TANK: variants seen among roughly 807,000 people sequenced by gnomAD.
TANK encodes the protein TRAF family member-associated NF-kappa-B activator.
A neutral mutation model predicts 43.6 loss-of-function variants in TANK; 15 were observed. That is an observed-to-expected ratio of 0.34 (90% confidence interval 0.23 to 0.53). The LOEUF is 0.53. Among genes scored for constraint, TANK ranks in the 20% least tolerant of loss-of-function variants. TANK has a pLI of 0.94. For missense variants in TANK, 417 were observed against 498.6 expected (o/e 0.84, Z 1.56); for synonymous variants, 162 against 178.2 (o/e 0.91, Z 0.73).
At chr2:161,180,451 AAAAT>A (rs1286263730) in intron 2 of TANK, among the ~76,000 whole-genome samples, 6 of 152,194 alleles carry the variant, frequency 3.9e-5, no homozygotes, top group Admixed American at 2.6e-4. Flanking sequence ...CAAAATGAGA[AAAAT>A]AAGGCTAATT....
intron 1 of TANK, 105 bp downstream of exon 1, chr2:161,160,591 C>T (rs1684372171): frequency 1.0e-6 from 1 of 967,616 alleles, no homozygotes. Context: ...AGGGGCGCCG[C>T]AGGGAGAGAA....
intron 7 of TANK, among the ~76,000 whole-genome samples, chr2:161,232,446 A>G (rs184058791): frequency 1.8e-3 from 280 of 152,322 alleles, no homozygotes; most frequent in African/African-American, 6.4e-3. Context: ...CATATAGGTT[A>G]TAGACTTAAA....
chr2:161,137,105 A>T (rs1188991900), intron 1 of TANK: 1 of 985,370 alleles, frequency 1.0e-6, no homozygotes, highest in Non-Finnish European at 1.2e-6. Context: ...TTAACCTAGG[A>T]AAGGGGCCTG....
At chr2:161,146,786 G>A (rs531584327) in intron 1 of TANK, among the ~76,000 whole-genome samples, 20 of 152,228 alleles carry the variant, frequency 1.3e-4, no homozygotes, top group African/African-American at 4.3e-4. Flanking sequence ...CCTGTTGGAG[G>A]GTCTCACCCA....
rs968894299 is a variant in TANK, at chr2:161,203,561, A to G, written c.174A>G (p.Leu58=). 3.1e-6 allele frequency: 5 copies of G among 1,611,624 alleles called. No individual in the cohort carries two copies. The highest frequency in any genetic ancestry group is 1.1e-5 in the South Asian group (1 of 90,742). Residue 58 remains leucine, a synonymous_variant, in exon 3 of 8, where the codon CTA becomes CTG. Transcript: ENST00000392749. ...LSLQQTIIDK[L]KSQLLLVNST... ...TTCAACAGACTATTATTGACAAGCTAAAATCTCAGTTACTTCTTGTGAATT... is the reference window on the plus strand; with the variant it reads ...TTCAACAGACTATTATTGACAAGCTGAAATCTCAGTTACTTCTTGTGAATT...
chr2:161,204,241 C>A (rs1686548456), intron 3 of TANK, among the ~76,000 whole-genome samples: 3 of 152,030 alleles, frequency 2.0e-5, no homozygotes, highest in Admixed American at 2.0e-4. Context: ...GAATAATTCA[C>A]AGGTGATAAA....
intron 6 of TANK, among the ~76,000 whole-genome samples, chr2:161,227,673 T>A (rs1182978687): frequency 6.6e-6 from 1 of 152,250 alleles, no homozygotes; most frequent in Non-Finnish European, 1.5e-5. Context: ...CAGCAGATTC[T>A]CCAGCATTCA....
intron 2 of TANK, among the ~76,000 whole-genome samples, chr2:161,187,205 C>T (rs1207761315): frequency 6.6e-6 from 1 of 152,020 alleles, no homozygotes; most frequent in Non-Finnish European, 1.5e-5. Context: ...GCAGGTGGGT[C>T]GTTTGAGCAC....
intron 4 of TANK, among the ~76,000 whole-genome samples, chr2:161,208,766 AC>A (rs1686756378): frequency 6.6e-6 from 1 of 152,148 alleles, no homozygotes; most frequent in South Asian, 2.1e-4. Context: ...CTGATAGCTA[AC>A]TTCACTCAAA....
At chr2:161,216,280 C>T (rs1046391368) in intron 4 of TANK, 6 of 388,182 alleles carry the variant, frequency 1.5e-5, no homozygotes, top group Middle Eastern at 3.6e-4. Context: ...ACATCTGGAC[C>T]GTATGTCTGC....
At chr2:161,194,607 T>G (rs571397385) in intron 2 of TANK, among the ~76,000 whole-genome samples, 1 of 152,298 alleles carries the variant, frequency 6.6e-6, no homozygotes, top group African/African-American at 2.4e-5. Context: ...TTTCTGACAA[T>G]AAATGTTAAG....
At chr2:161,171,930 A>G (rs1472243182) in intron 1 of TANK, among the ~76,000 whole-genome samples, 2 of 152,206 alleles carry the variant, frequency 1.3e-5, no homozygotes, top group Non-Finnish European at 2.9e-5. Flanking sequence ...GGTTAAGACC[A>G]GAGGATAGAT....
intron 4 of TANK, 194 bp downstream of exon 4, chr2:161,204,987 A>AC: frequency 7.4e-7 from 1 of 1,349,442 alleles, no homozygotes; most frequent in Non-Finnish European, 9.5e-7. Flanking sequence ...TTTCCTACTG[A>AC]CCGTTTTTCT....
chr2:161,179,682 A>G lies in TANK; in HGVS notation c.20A>G (p.Glu7Gly). MDKNIG[E>G]QLNKAYEAFR... ...AGAGGAATGGATAAAAACATTGGCG[A>G]GCAACTCAATAAAGCGTATGAAGCC... The change falls in exon 2 of 8, where the codon GAG (glutamate) becomes GGG (glycine). Residue 7 changes from glutamate (E) to glycine (G), a missense_variant. Coordinates refer to ENST00000392749, the MANE Select transcript of TANK (RefSeq NM_001199135.3). 6.2e-7 allele frequency: 1 copy of G among 1,613,350 alleles called. No homozygotes were observed. The highest frequency in any genetic ancestry group is 8.5e-7 in the Non-Finnish European group (1 of 1,179,578).
chr2:161,147,039 G>A (rs1366309737), intron 1 of TANK, among the ~76,000 whole-genome samples: 1 of 152,118 alleles, frequency 6.6e-6, no homozygotes, highest in Non-Finnish European at 1.5e-5. Context: ...TGGAGTTCCT[G>A]CAGGGAGGCC....
intron 1 of TANK, among the ~76,000 whole-genome samples, chr2:161,143,464 C>T (rs1371076782): frequency 2.0e-5 from 3 of 151,878 alleles, no homozygotes; most frequent in Non-Finnish European, 4.4e-5. Flanking sequence ...TCATAAATAG[C>T]TCTTTTTATT....
chr2:161,141,031 GTTTTC>G (rs985923645), intron 1 of TANK, among the ~76,000 whole-genome samples: 8 of 151,828 alleles, frequency 5.3e-5, no homozygotes, highest in African/African-American at 1.7e-4. Flanking sequence ...GTTTATTCGG[GTTTTC>G]TTATTTTTTC....
intron 1 of TANK, chr2:161,139,811 G>C: frequency 1.0e-6 from 1 of 985,342 alleles, no homozygotes; most frequent in Non-Finnish European, 1.2e-6. Flanking sequence ...AATAAACAAA[G>C]CAGCTATTCC....
At chr2:161,139,821 C>T (rs1168399528) in intron 1 of TANK, 2 of 985,292 alleles carry the variant, frequency 2.0e-6, no homozygotes, top group African/African-American at 3.5e-5. Context: ...GCAGCTATTC[C>T]TACGCTTTGT....
Sources: gnomAD v4.1 joint callset for allele counts (sites outside exome capture counted in the v4.1 genomes callset) on GRCh38, gnomAD v4.1.1 for gene constraint, MANE v1.5 for transcripts, NCBI Gene and HGNC (gene_info 2026-07-23, HGNC 2026-07-21) for gene names.